Variants in GPC6 observed in about 807,000 individuals in gnomAD.
GPC6 encodes glypican 6.
Under a neutral mutation model 55.2 loss-of-function variants are expected in GPC6, and 14 were observed. That is an observed-to-expected ratio of 0.25 (90% confidence interval 0.17 to 0.40). The LOEUF (loss-of-function observed/expected upper bound fraction) is 0.40, where lower values mean the gene tolerates loss of function less well. Among genes scored for constraint, GPC6 ranks in the 10% least tolerant of loss-of-function variants. GPC6 has a pLI of 1.00. For synonymous variants in GPC6, 278 were observed against 259.6 expected (o/e 1.07, Z -0.68); for missense variants, 641 against 708.5 (o/e 0.90, Z 1.08).
Position 94,395,542 on chromosome 13 carries a change from C to T in GPC6, c.1290-2924C>T, listed in dbSNP as rs553792885. The stretch of plus-strand genomic sequence containing the variant: ...TAAACCAATTCATACACAAACACAT[C>T]AAGCATAGATTCAATACCTGAAAAA... On this transcript the variant is annotated intron_variant, in intron 7 of 8. Transcript: ENST00000377047. Among the ~76,000 whole-genome samples the T allele has an allele frequency of 5.3e-5, 8 of 152,282 alleles. No individual in the cohort carries two copies. In the East Asian group the frequency reaches 9.7e-4, roughly 18 times the overall value.
intron 3 of GPC6, among the ~76,000 whole-genome samples, chr13:94,014,663 G>C (rs558820954): frequency 6.6e-6 from 1 of 152,086 alleles, no homozygotes; most frequent in Non-Finnish European, 1.5e-5. Context: ...CCCATCAGCA[G>C]TCATTCTCCA....
chr13:93,274,113 G>C (rs1877647547), intron 1 of GPC6, among the ~76,000 whole-genome samples: 1 of 152,104 alleles, frequency 6.6e-6, no homozygotes, highest in African/African-American at 2.4e-5. Flanking sequence ...ATTTTTTAAG[G>C]GAAATGAGTT....
At chr13:93,571,953 G>A in intron 2 of GPC6, among the ~76,000 whole-genome samples, 2 of 152,032 alleles carry the variant, frequency 1.3e-5, no homozygotes, top group Admixed American at 1.3e-4. Flanking sequence ...TAAAAGACAT[G>A]ATCTAGTTTT....
At chr13:94,102,053 C>A (rs931374036) in intron 4 of GPC6, among the ~76,000 whole-genome samples, 2 of 151,976 alleles carry the variant, frequency 1.3e-5, no homozygotes, top group Non-Finnish European at 2.9e-5. Context: ...TTAAAAGGTA[C>A]ACATAATAAA....
intron 3 of GPC6, among the ~76,000 whole-genome samples, chr13:93,953,854 C>T (rs942363577): frequency 2.6e-5 from 4 of 152,078 alleles, no homozygotes; most frequent in African/African-American, 9.7e-5. Flanking sequence ...TATTGTTTTT[C>T]TTCTATTCAA....
intron 1 of GPC6, among the ~76,000 whole-genome samples, chr13:93,228,115 C>G (rs1007222571): frequency 1.3e-5 from 2 of 152,136 alleles, no homozygotes; most frequent in African/African-American, 4.8e-5. Flanking sequence ...CCCAGCCCCT[C>G]TCTCCCCTAT....
chr13:94,055,025 G>T (rs567730286), intron 4 of GPC6, among the ~76,000 whole-genome samples: 37 of 152,284 alleles, frequency 2.4e-4, no homozygotes, highest in Admixed American at 1.1e-3. Context: ...TAATTACCAT[G>T]TGTCTCAGAA....
chr13:93,720,735 A>T (rs1883425952), intron 2 of GPC6, among the ~76,000 whole-genome samples: 1 of 151,950 alleles, frequency 6.6e-6, no homozygotes, highest in African/African-American at 2.4e-5. Flanking sequence ...ACACTGCTTT[A>T]GCTGTGTCCC....
chr13:93,704,314 C>A (rs1043636441), intron 2 of GPC6, among the ~76,000 whole-genome samples: 16 of 151,720 alleles, frequency 1.1e-4, no homozygotes, highest in African/African-American at 3.4e-4. Context: ...CAAATAAGCC[C>A]CAAAATAAGG....
intron 1 of GPC6, among the ~76,000 whole-genome samples, chr13:93,492,531 T>G (rs994225988): frequency 1.0e-4 from 15 of 147,510 alleles, no homozygotes; most frequent in South Asian, 4.4e-4. Context: ...CCTGCCTGAT[T>G]GCCCCGGCCA....
chr13:93,473,600 C>T (rs1879203653), intron 1 of GPC6, among the ~76,000 whole-genome samples: 1 of 152,196 alleles, frequency 6.6e-6, no homozygotes, highest in Non-Finnish European at 1.5e-5. Context: ...GTAGAGCATA[C>T]AGGCAGCACC....
intron 1 of GPC6, among the ~76,000 whole-genome samples, chr13:93,301,093 C>A (rs997445223): frequency 4.6e-5 from 7 of 152,170 alleles, no homozygotes; most frequent in Non-Finnish European, 8.8e-5. Context: ...CATTGGCAGA[C>A]ATTTCCTTAA....
At chr13:94,202,950 C>A (rs1889799979) in intron 4 of GPC6, among the ~76,000 whole-genome samples, 1 of 152,046 alleles carries the variant, frequency 6.6e-6, no homozygotes, top group Non-Finnish European at 1.5e-5. Flanking sequence ...AAAATTTAAT[C>A]CTGTTTTCAA....
At chr13:93,414,004 C>A (rs1876604144) in intron 1 of GPC6, among the ~76,000 whole-genome samples, 1 of 152,108 alleles carries the variant, frequency 6.6e-6, no homozygotes, top group African/African-American at 2.4e-5. Flanking sequence ...TTGGCAACTT[C>A]CCACCAAAAA....
intron 1 of GPC6, among the ~76,000 whole-genome samples, chr13:93,510,690 G>T (rs1194670098): frequency 6.6e-6 from 1 of 151,766 alleles, no homozygotes; most frequent in African/African-American, 2.4e-5. Context: ...GGGATTCCTG[G>T]ATTGAATGGT....
At chr13:94,255,768 A>G (rs1210695521) in intron 4 of GPC6, among the ~76,000 whole-genome samples, 1 of 152,168 alleles carries the variant, frequency 6.6e-6, no homozygotes, top group South Asian at 2.1e-4. Flanking sequence ...ACTTATCAGG[A>G]AAAGGATTGA....
chr13:93,360,661 A>G (rs12867297), intron 1 of GPC6, among the ~76,000 whole-genome samples: 10,031 of 152,164 alleles, frequency 0.066, 426 homozygotes, highest in East Asian at 0.12. Context: ...TGAATCCCCC[A>G]CCCTTACTGG....
chr13:93,371,776 A>G (rs1594125685), intron 1 of GPC6, among the ~76,000 whole-genome samples: 1 of 152,100 alleles, frequency 6.6e-6, no homozygotes, highest in Non-Finnish European at 1.5e-5. Context: ...AGCTCCTGAG[A>G]CCTTAAAAAA....
At chr13:94,071,903 A>G (rs140641714) in intron 4 of GPC6, among the ~76,000 whole-genome samples, 76 of 152,340 alleles carry the variant, frequency 5.0e-4, no homozygotes, top group African/African-American at 1.6e-3. Flanking sequence ...GACCTTGAGA[A>G]AAGTATAAGG....
Sources: allele counts gnomAD v4.1 joint callset (sites outside exome capture counted in the v4.1 genomes callset), GRCh38; gene constraint gnomAD v4.1.1; transcripts MANE v1.5; gene names NCBI Gene and HGNC (gene_info 2026-07-23, HGNC 2026-07-21).